Variants in CCDC73 observed in about 807,000 individuals in gnomAD.
The protein encoded by CCDC73 is coiled-coil domain containing 73, also known as coiled-coil domain-containing protein 73.
Under a neutral mutation model 116.5 loss-of-function variants are expected in CCDC73, and 95 were observed. The observed-to-expected ratio is 0.82, with a 90% CI of 0.69 to 0.97. CCDC73 has a LOEUF of 0.97. Among genes scored for constraint, CCDC73 ranks in the 50% least tolerant of loss-of-function variants. CCDC73 has a pLI of 0.00. For missense variants in CCDC73, 1,066 were observed against 1,206.8 expected, an observed-to-expected ratio of 0.88 and a Z score of 1.73; for synonymous variants, 398 against 401.3, an observed-to-expected ratio of 0.99 and a Z score of 0.10.
At chr11:32,686,564 C>T (rs1222403452) in intron 6 of CCDC73, among the ~76,000 whole-genome samples, 2 of 152,042 alleles carry the variant, frequency 1.3e-5, no homozygotes, top group African/African-American at 4.8e-5. Flanking sequence ...AGACAAAATT[C>T]AGAAGACAAT....
intron 2 of CCDC73, 31 bp from the exon 3 acceptor site, chr11:32,718,178 A>G: frequency 6.9e-7 from 1 of 1,459,498 alleles, no homozygotes. Context: ...AAAGTGCTAT[A>G]AAAATAAAGA....
At chr11:32,818,199 TG>T in the CCDC73 span, among the ~76,000 whole-genome samples, 7 of 152,366 alleles carry the variant, frequency 4.6e-5, no homozygotes, top group African/African-American at 1.4e-4. Context: ...CATTTGGCTT[TG>T]TTTGGTTACT....
intron 2 of CCDC73, among the ~76,000 whole-genome samples, chr11:32,756,854 T>C (rs1402174100): frequency 1.3e-5 from 2 of 152,114 alleles, no homozygotes; most frequent in Non-Finnish European, 2.9e-5. Context: ...AAACTATTAA[T>C]GAGAAGTATT....
intron 7 of CCDC73, among the ~76,000 whole-genome samples, chr11:32,678,031 C>A (rs1015017779): frequency 1.3e-5 from 2 of 150,300 alleles, no homozygotes; most frequent in African/African-American, 4.9e-5. Context: ...GTAATCCCAG[C>A]ACTTTGGGAG....
intron 3 of CCDC73, among the ~76,000 whole-genome samples, chr11:32,717,011 T>G (rs971149998): frequency 1.3e-5 from 2 of 152,246 alleles, no homozygotes; most frequent in African/African-American, 4.8e-5. Context: ...TCCATATTCT[T>G]TCCCTCCACA....
intron 14 of CCDC73, among the ~76,000 whole-genome samples, chr11:32,635,453 G>A (rs556469334): frequency 1.3e-5 from 2 of 152,078 alleles, no homozygotes; most frequent in Non-Finnish European, 2.9e-5. Flanking sequence ...GGTACAGTGG[G>A]AGAGAAAATA....
intron 9 of CCDC73, among the ~76,000 whole-genome samples, chr11:32,671,372 T>A (rs1719635524): frequency 4.3e-5 from 6 of 139,330 alleles, no homozygotes. Context: ...ATCTAACCAC[T>A]AAGTTTGGTC....
intron 2 of CCDC73, among the ~76,000 whole-genome samples, chr11:32,754,754 A>AT (rs1351711786): frequency 1.3e-5 from 2 of 152,046 alleles, no homozygotes; most frequent in Non-Finnish European, 2.9e-5. Context: ...AAATAAAGAC[A>AT]TTTTTCTGGA....
At chr11:32,807,347 A>T in the CCDC73 span, among the ~76,000 whole-genome samples, 1 of 152,210 alleles carries the variant, frequency 6.6e-6, no homozygotes, top group Non-Finnish European at 1.5e-5. Flanking sequence ...TGATAATGAA[A>T]GGAAATAAAG....
At chr11:32,612,401 T>C (rs1855430026) in intron 16 of CCDC73, among the ~76,000 whole-genome samples, 1 of 151,906 alleles carries the variant, frequency 6.6e-6, no homozygotes, top group South Asian at 2.1e-4. Context: ...TTTCAATTTA[T>C]ATTTATACAG....
chr11:32,790,428 T>C (rs1180000069), intron 1 of CCDC73, among the ~76,000 whole-genome samples: 2 of 152,216 alleles, frequency 1.3e-5, no homozygotes, highest in African/African-American at 4.8e-5. Context: ...TATCCATTTA[T>C]AATACTGCCC....
At chr11:32,613,109 TA>T (rs951522562) in intron 16 of CCDC73, among the ~76,000 whole-genome samples, 2 of 151,782 alleles carry the variant, frequency 1.3e-5, no homozygotes, top group Non-Finnish European at 2.9e-5. Context: ...ATAGAAAAAT[TA>T]AGGAAAGGGA....
chr11:32,672,685 T>C (rs1419636414), intron 9 of CCDC73, among the ~76,000 whole-genome samples: 1 of 152,190 alleles, frequency 6.6e-6, no homozygotes, highest in Admixed American at 6.5e-5. Flanking sequence ...CCAAACAGAT[T>C]TTTTAAATTA....
At chr11:32,809,171 A>G in the CCDC73 span, among the ~76,000 whole-genome samples, 1 of 152,378 alleles carries the variant, frequency 6.6e-6, no homozygotes, top group East Asian at 1.9e-4. Flanking sequence ...AGGACAATTT[A>G]GGGATAAAAT....
chr11:32,816,170 A>G, the CCDC73 span, among the ~76,000 whole-genome samples: 5 of 152,204 alleles, frequency 3.3e-5, no homozygotes, highest in Non-Finnish European at 7.4e-5. Flanking sequence ...GACATCAAGT[A>G]TAGATATATT....
intron 9 of CCDC73, among the ~76,000 whole-genome samples, chr11:32,673,651 C>G (rs1226740166): frequency 6.6e-6 from 1 of 152,096 alleles, no homozygotes; most frequent in Non-Finnish European, 1.5e-5. Flanking sequence ...AATCAACTAG[C>G]CTATACAAAA....
At chr11:32,786,450 T>C (rs1330849228) in intron 1 of CCDC73, among the ~76,000 whole-genome samples, 1 of 139,078 alleles carries the variant, frequency 7.2e-6, no homozygotes, top group African/African-American at 2.7e-5. Context: ...AAATATATTA[T>C]TTATATAATT....
chr11:32,654,952 T>C lies in CCDC73; in HGVS notation c.666A>G (p.Ser222=). The stretch of plus-strand genomic sequence containing the variant: ...ATGTGACTTTGGACTTTATCAAGTC[T>C]GAGGCTGCTTTTTTTAGTTCCTTAA... The part of the protein sequence containing the change: ...SLKKELKKAA[S]DLIKSKVTCQ... Residue 222 remains serine, a synonymous_variant, in exon 10 of 18, where the codon TCA becomes TCG. Coordinates refer to ENST00000335185, the MANE Select transcript of CCDC73 (RefSeq NM_001008391.4). 6.3e-7 allele frequency: 1 copy of C among 1,594,736 alleles called. No homozygotes were observed. Among genetic ancestry groups the C allele is most frequent in the Middle Eastern group, 1.7e-4 (1 of 5,990 alleles).
At chr11:32,612,436 G>A (rs555249838) in intron 16 of CCDC73, among the ~76,000 whole-genome samples, 4 of 151,652 alleles carry the variant, frequency 2.6e-5, no homozygotes, top group Admixed American at 6.6e-5. Context: ...AATCTAGTAT[G>A]TTTTTATTTT....
Sources: gnomAD v4.1 joint callset for allele counts (sites outside exome capture counted in the v4.1 genomes callset) on GRCh38, gnomAD v4.1.1 for gene constraint, MANE v1.5 for transcripts, NCBI Gene and HGNC (gene_info 2026-07-23, HGNC 2026-07-21) for gene names.